The following USP36 variants were observed in gnomAD, a reference collection of about 807,000 sequenced individuals.
USP36 encodes ubiquitin specific peptidase 36.
USP36 carries 59 observed loss-of-function variants against 111.5 expected under a neutral mutation model. That is an observed-to-expected ratio of 0.53 (90% CI 0.43 to 0.66). The LOEUF (loss-of-function observed/expected upper bound fraction) is 0.66. USP36 is among the 30% of genes least tolerant of loss of function. USP36 has a pLI of 0.00. For missense variants in USP36, 1,488 were observed against 1,468.0 expected (o/e 1.01, Z -0.22); for synonymous variants, 628 against 581.0 (o/e 1.08, Z -1.16).
At chr17:78,793,024 C>A (rs1157432534), downstream of USP36, among the ~76,000 whole-genome samples, 3 of 151,902 alleles carry the variant, frequency 2.0e-5, no homozygotes, top group Non-Finnish European at 4.4e-5. Context: ...CCCCCTCACC[C>A]CCCCAGGAAG....
At chr17:78,812,533 CA>C (rs985155864) in intron 13 of USP36, among the ~76,000 whole-genome samples, 1 of 150,688 alleles carries the variant, frequency 6.6e-6, no homozygotes, top group Non-Finnish European at 1.5e-5. Context: ...ACTAAAAATA[CA>C]AAAAAAATTA....
chr17:78,797,189 T>G lies in USP36; in HGVS notation c.*711A>C, dbSNP rs1258490882. 6.6e-6 allele frequency: 1 copy of G among 152,194 alleles called. No homozygotes were observed. The highest frequency in any genetic ancestry group is 1.5e-5 in the Non-Finnish European group (1 of 68,040). The allele number at this position is 152,194 out of a possible 1,614,324, so 9.4% of individuals were successfully genotyped here. A position where few individuals can be genotyped will look rare whatever the true frequency, so the allele number is the denominator to read the frequency against. On this transcript the variant is annotated 3_prime_UTR_variant, in exon 21 of 21. Transcript: ENST00000449938. ...TGCAAGGGAAGCTACAGCACAGTCG[T>G]CTCAGAATAAACAGCAGCCTGGAAA... is the stretch of plus-strand genomic sequence containing the variant.
intron 6 of USP36, among the ~76,000 whole-genome samples, chr17:78,824,551 A>G (rs577729539): frequency 6.6e-6 from 1 of 152,346 alleles, no homozygotes; most frequent in East Asian, 1.9e-4. Context: ...CTCAAAAAGA[A>G]TGGTTTATGT....
intron 4 of USP36, among the ~76,000 whole-genome samples, chr17:78,834,230 G>C (rs1239245834): frequency 6.7e-6 from 1 of 149,024 alleles, no homozygotes; most frequent in African/African-American, 2.5e-5. Context: ...CTAGGCAACA[G>C]AGTCCGTCTC....
downstream of USP36, among the ~76,000 whole-genome samples, chr17:78,790,811 C>T (rs1262360048): frequency 6.6e-6 from 1 of 152,222 alleles, no homozygotes; most frequent in Admixed American, 6.5e-5. Context: ...AATCTGGTCT[C>T]ATGATGGTAA....
downstream of USP36, chr17:78,791,960 TTCAGTGGGATGTATTGACTGGA>T (rs1281481385): frequency 6.6e-6 from 1 of 151,856 alleles, no homozygotes; most frequent in Non-Finnish European, 1.5e-5. Flanking sequence ...CGGTCGGCTG[TTCAGTGGGATGTATTGACTGGA>T]TCAGTTGATT....
At position 78,803,778 on chromosome 17, in the gene USP36, T is replaced by TG. The variant is rs748398837; in HGVS notation, c.2416dup (p.Gln806ProfsTer5). The TG allele has an allele frequency of 4.3e-6, 7 of 1,612,456 alleles. No homozygotes were observed. The highest frequency in any genetic ancestry group is 3.4e-6 in the Non-Finnish European group (4 of 1,179,954). On this transcript the variant is annotated frameshift_variant, in exon 16 of 21. Coordinates refer to ENST00000449938, the MANE Select transcript of USP36 (RefSeq NM_001385174.1). LOFTEE classifies it high-confidence loss of function. This position sits in a 1 kb window ranked among gnomAD's most constrained non-coding sequence, Gnocchi z 4.6. Reference sequence around the variant, plus strand: ...CTTTTTCCTCTTCTCAGAGGGGCTCTGGGGGGGCTCACTGGCCTCTGGCAA... The same window carrying TG: ...CTTTTTCCTCTTCTCAGAGGGGCTCTGGGGGGGGCTCACTGGCCTCTGGCAA...
Position 78,806,849 on chromosome 17 carries a change from T to G in USP36, c.2085+110A>C, listed in dbSNP as rs899526551. 7.7e-6 allele frequency: 11 copies of G among 1,420,756 alleles called. No individual in the cohort carries two copies. In the African/African-American group the frequency reaches 1.6e-4, roughly 20 times the overall value. 88.0% of individuals were successfully genotyped at this position (1,420,756 alleles called of 1,614,324 possible). A position where few individuals can be genotyped will look rare whatever the true frequency, so the allele number is the denominator to read the frequency against. On this transcript the variant is annotated intron_variant, in intron 14 of 20. Coordinates refer to ENST00000449938, the MANE Select transcript of USP36 (RefSeq NM_001385174.1). ...TAAAAGACACTTTGTTCCTCTAACA[T>G]GAGGGAGGCCAAAGCCCCCGGACAA... is the stretch of plus-strand genomic sequence containing the variant.
At chr17:78,801,076 A>G (rs2093731422) in intron 17 of USP36, among the ~76,000 whole-genome samples, 1 of 145,250 alleles carries the variant, frequency 6.9e-6, no homozygotes, top group Non-Finnish European at 1.5e-5. Context: ...TCCTGGGTTC[A>G]CACCATTCTC....
intron 13 of USP36, among the ~76,000 whole-genome samples, chr17:78,812,498 G>A (rs2094085806): frequency 6.6e-6 from 1 of 151,846 alleles, no homozygotes; most frequent in Non-Finnish European, 1.5e-5. Context: ...AAGCATCCTG[G>A]CTAACACGGT....
At chr17:78,789,690 G>T (rs1300970545) in intron 3 of USP36, among the ~76,000 whole-genome samples, 1 of 152,224 alleles carries the variant, frequency 6.6e-6, no homozygotes, top group Non-Finnish European at 1.5e-5. Flanking sequence ...GAACTTGATT[G>T]TATCCAGCTG....
At chr17:78,795,333 G>A (rs1181724868), downstream of USP36, among the ~76,000 whole-genome samples, 1 of 152,218 alleles carries the variant, frequency 6.6e-6, no homozygotes, top group African/African-American at 2.4e-5. The surrounding 1 kb of genome is among the most constrained non-coding windows in gnomAD (Gnocchi z 4.5). Flanking sequence ...GGTGGATACC[G>A]TGGGGTGGAG....
At position 78,839,481 on chromosome 17, in the gene USP36, A is replaced by G. The variant is rs898039748; in HGVS notation, c.-173-731T>C. Among the ~76,000 whole-genome samples the G allele has an allele frequency of 7.2e-5, 11 of 152,178 alleles. No homozygotes were observed. In the South Asian group the frequency reaches 1.0e-3, roughly 14 times the overall value. On this transcript the variant is annotated intron_variant, in intron 1 of 20. Coordinates refer to ENST00000449938, the MANE Select transcript of USP36 (RefSeq NM_001385174.1). ...CCAGTCGTATTAAAAACTCCCCACAATATCACTGCTTTCGGTTAGGACTCA... is the reference window on the plus strand; with the variant it reads ...CCAGTCGTATTAAAAACTCCCCACAGTATCACTGCTTTCGGTTAGGACTCA...
At chr17:78,799,877 CTTTTTTTTTTTTTT>C (rs549964435) in intron 17 of USP36, 109 bp from the exon 18 acceptor site, 14 of 155,602 alleles carry the variant, frequency 9.0e-5, no homozygotes, top group South Asian at 3.3e-4. Flanking sequence ...GGATGCTTGC[CTTTTTTTTTTTTTT>C]TTTTTTTTTT....
intron 16 of USP36, 101 bp from the exon 17 acceptor site, chr17:78,802,636 C>G (rs1270110221): frequency 8.3e-7 from 1 of 1,210,264 alleles, no homozygotes; most frequent in East Asian, 2.5e-5. Flanking sequence ...GCCACCCCAG[C>G]TGTGACCCAG....
In USP36 at chr17:78,806,362, A is replaced by G. The variant is rs2093901485; in HGVS notation, c.2086-76T>C. On this transcript the variant is annotated intron_variant, in intron 14 of 20. Coordinates refer to ENST00000449938, the MANE Select transcript of USP36 (RefSeq NM_001385174.1). ...TGAGTGAAGAGGGAAAACAAAAGTA[A>G]CAAAAAATGAAAATAAAAACAAAAG... 1.3e-5 allele frequency: 20 copies of G among 1,576,536 alleles called. No homozygotes were observed. The South Asian group carries it at 2.0e-4, about 16-fold the overall frequency.
intron 13 of USP36, among the ~76,000 whole-genome samples, chr17:78,812,505 C>T (rs1024432770): frequency 1.3e-5 from 2 of 151,654 alleles, no homozygotes; most frequent in South Asian, 2.1e-4. Context: ...CTGGCTAACA[C>T]GGTGAAACCC....
Position 78,816,824 on chromosome 17 carries a change from A to C in USP36, c.1023+1843T>G, listed in dbSNP as rs144952972. On this transcript the variant is annotated intron_variant, in intron 10 of 20. Transcript: ENST00000449938. The stretch of plus-strand genomic sequence containing the variant: ...TTGTGGGATTTGTTGAAATGCATAG[A>C]TCTTCAGTATATAGATCAAAGAGTT... Among the ~76,000 whole-genome samples the C allele has an allele frequency of 3.6e-4, 55 of 152,224 alleles. No individual in the cohort carries two copies. The East Asian group carries it at 9.3e-3, about 26-fold the overall frequency.
chr17:78,822,573 C>A (rs1349311653), intron 6 of USP36, among the ~76,000 whole-genome samples: 1 of 152,180 alleles, frequency 6.6e-6, no homozygotes. Flanking sequence ...GGTCAGGAGC[C>A]CTGCCCTCAT....
Sources: gnomAD v4.1 joint callset for allele counts (sites outside exome capture counted in the v4.1 genomes callset) on GRCh38, gnomAD v4.1.1 for gene constraint, Gnocchi (gnomAD v3.1) non-coding constraint, MANE v1.5 for transcripts, NCBI Gene and HGNC (gene_info 2026-07-23, HGNC 2026-07-21) for gene names.